MYO16: variants seen among roughly 807,000 people sequenced by gnomAD.
MYO16 encodes myosin XVI.
In MYO16, 94 loss-of-function variants were observed where a neutral mutation model predicts 205.3. That is an observed-to-expected ratio of 0.46 (90% CI 0.39 to 0.54). The LOEUF (loss-of-function observed/expected upper bound fraction) is 0.54. MYO16 is among the 20% of genes least tolerant of loss of function. The probability of loss-of-function intolerance (pLI) is 0.00; values close to 1 mark genes in which losing one functional copy is unlikely to be tolerated. For missense variants in MYO16, 2,315 were observed against 2,387.5 expected (o/e 0.97, Z 0.63); for synonymous variants, 988 against 954.0 (o/e 1.04, Z -0.66).
At chr13:108,698,644 A>G (rs1245873758) in intron 2 of MYO16, among the ~76,000 whole-genome samples, 2 of 152,192 alleles carry the variant, frequency 1.3e-5, no homozygotes, top group Non-Finnish European at 2.9e-5. Flanking sequence ...AGATAGGACT[A>G]AAAGACATGT....
intron 28 of MYO16, among the ~76,000 whole-genome samples, chr13:109,109,988 T>C (rs943897703): frequency 8.5e-5 from 13 of 152,194 alleles, no homozygotes; most frequent in Non-Finnish European, 1.6e-4. Context: ...CATCAAAATA[T>C]GTAAATGCCA....
intron 22 of MYO16, among the ~76,000 whole-genome samples, chr13:109,016,081 C>A (rs1337627357): frequency 6.6e-6 from 1 of 152,160 alleles, no homozygotes; most frequent in Non-Finnish European, 1.5e-5. Context: ...ATCTTTCCTG[C>A]TTTCTCTTGT....
the MYO16 span, among the ~76,000 whole-genome samples, chr13:108,580,466 A>G: frequency 6.6e-6 from 1 of 152,210 alleles, no homozygotes; most frequent in Non-Finnish European, 1.5e-5. Context: ...CATTAATTTT[A>G]GTGTTCCTAG....
intron 9 of MYO16, among the ~76,000 whole-genome samples, chr13:108,842,245 G>A (rs1877281449): frequency 6.6e-6 from 1 of 151,972 alleles, no homozygotes; most frequent in Admixed American, 6.6e-5. Flanking sequence ...CTTCTGCACA[G>A]CAAAGAAAAC....
chr13:109,035,004 A>G (rs1296793174), intron 23 of MYO16, among the ~76,000 whole-genome samples: 3 of 152,154 alleles, frequency 2.0e-5, no homozygotes, highest in Non-Finnish European at 4.4e-5. Flanking sequence ...GAGTGTTTCT[A>G]TAGGTTGAGA....
At chr13:109,092,767 C>G (rs983414115) in intron 27 of MYO16, among the ~76,000 whole-genome samples, 1 of 152,210 alleles carries the variant, frequency 6.6e-6, no homozygotes, top group African/African-American at 2.4e-5. Flanking sequence ...CCTGTGGTGA[C>G]TGCATAAGCT....
At chr13:108,948,675 C>G (rs1883029122) in intron 16 of MYO16, among the ~76,000 whole-genome samples, 1 of 152,216 alleles carries the variant, frequency 6.6e-6, no homozygotes, top group South Asian at 2.1e-4. Context: ...ATGCTTCATG[C>G]TGGATGGGAA....
chr13:109,149,906 T>A (rs909501529), intron 32 of MYO16, among the ~76,000 whole-genome samples: 1 of 152,248 alleles, frequency 6.6e-6, no homozygotes, highest in African/African-American at 2.4e-5. Flanking sequence ...TACTTGGGAC[T>A]GAGTTCCTAA....
chr13:108,989,244 ACATTTTGT>A (rs1433119498), intron 20 of MYO16, among the ~76,000 whole-genome samples: 1 of 152,174 alleles, frequency 6.6e-6, no homozygotes, highest in Non-Finnish European at 1.5e-5. Context: ...CTAAAGGTAT[ACATTTTGT>A]TTCTGGCTTT....
chr13:108,608,394 T>C (rs1879040681), intron 1 of MYO16, among the ~76,000 whole-genome samples: 1 of 152,168 alleles, frequency 6.6e-6, no homozygotes, highest in African/African-American at 2.4e-5. Flanking sequence ...CCCCAACTAA[T>C]GCTGATTCAT....
chr13:108,782,087 G>A (rs1008827090), intron 4 of MYO16, among the ~76,000 whole-genome samples: 1 of 152,212 alleles, frequency 6.6e-6, no homozygotes, highest in Admixed American at 6.5e-5. Flanking sequence ...CTTTGGAACT[G>A]GGTAACAGGC....
At chr13:108,508,988 T>A in the MYO16 span, among the ~76,000 whole-genome samples, 8 of 152,212 alleles carry the variant, frequency 5.3e-5, no homozygotes, top group African/African-American at 1.7e-4. Context: ...ATTGCTCTCA[T>A]TAGCTGTCAT....
rs369577592 is a variant in MYO16 at position 109,095,482 on chromosome 13, C to A, written c.3336-5303C>A. Among the ~76,000 whole-genome samples the A allele has an allele frequency of 1.6e-4, 25 of 152,314 alleles. No homozygotes were observed. In the East Asian group the frequency reaches 4.6e-3, roughly 28 times the overall value. ...TAGAAAACACTCATATTCCAAAAGA[C>A]AAGATGTTTTACATAACACTAACAT... On this transcript the variant is annotated intron_variant, in intron 27 of 34. Transcript: ENST00000457511.
chr13:108,855,392 A>T, intron 10 of MYO16, 51 bp from the exon 11 acceptor site: 1 of 1,145,346 alleles, frequency 8.7e-7, no homozygotes, highest in Non-Finnish European at 1.2e-6. Context: ...ACTGTGAAGA[A>T]AGTTGATTGG....
At chr13:109,012,018 A>T (rs367841709) in intron 22 of MYO16, among the ~76,000 whole-genome samples, 1 of 152,002 alleles carries the variant, frequency 6.6e-6, no homozygotes, top group African/African-American at 2.4e-5. Context: ...AAGAATTATT[A>T]TCAGAGTATC....
chr13:109,119,655 A>G (rs1875888775), intron 28 of MYO16, among the ~76,000 whole-genome samples: 1 of 152,238 alleles, frequency 6.6e-6, no homozygotes, highest in Non-Finnish European at 1.5e-5. Context: ...GTCTTTATCA[A>G]TATCAGTACG....
At chr13:108,907,341 G>A (rs1397936699) in intron 15 of MYO16, among the ~76,000 whole-genome samples, 3 of 152,120 alleles carry the variant, frequency 2.0e-5, no homozygotes, top group Non-Finnish European at 2.9e-5. Flanking sequence ...CACTTGTAGA[G>A]AATTATAAGC....
intron 27 of MYO16, among the ~76,000 whole-genome samples, chr13:109,075,231 A>G (rs981776446): frequency 1.1e-4 from 16 of 152,176 alleles, no homozygotes; most frequent in African/African-American, 3.4e-4. Flanking sequence ...TGGCTAAGGC[A>G]TAGCGTTAGT....
chr13:109,092,076 T>G (rs1399945140), intron 27 of MYO16, among the ~76,000 whole-genome samples: 1 of 152,222 alleles, frequency 6.6e-6, no homozygotes, highest in African/African-American at 2.4e-5. Context: ...ACTTCTCAAG[T>G]AGAATTAAAT....
Sources: gnomAD v4.1 joint callset for allele counts (sites outside exome capture counted in the v4.1 genomes callset) on GRCh38, gnomAD v4.1.1 for gene constraint, MANE v1.5 for transcripts, NCBI Gene and HGNC (gene_info 2026-07-23, HGNC 2026-07-21) for gene names.